The following TMEM175 variants were observed in gnomAD, a reference collection of about 807,000 sequenced individuals.
The protein encoded by TMEM175 is endosomal/lysosomal proton channel TMEM175.
Under a neutral mutation model 36.5 loss-of-function variants are expected in TMEM175, and 36 were observed. The ratio of observed to expected loss-of-function variants is 0.99; its 90% CI spans 0.76 to 1.30. The LOEUF (loss-of-function observed/expected upper bound fraction) is 1.30. TMEM175 is among the 50% of genes most tolerant of loss of function. TMEM175 has a pLI of 0.00. For synonymous variants in TMEM175, 339 were observed against 313.4 expected, an observed-to-expected ratio of 1.08 and a Z score of -0.86; for missense variants, 705 against 692.8, an observed-to-expected ratio of 1.02 and a Z score of -0.20.
chr4:941,470 G>T lies in TMEM175; in HGVS notation c.-31-6239G>T, dbSNP rs558034582. Among the ~76,000 whole-genome samples, 9 of 149,570 alleles carry T rather than the reference G, an allele frequency of 6.0e-5. No individual in the cohort carries two copies. In the East Asian group the frequency reaches 1.6e-3, roughly 26 times the overall value. On this transcript the variant is annotated intron_variant, in intron 1 of 10. Transcript: ENST00000264771. ...TTTTTTTTTCTTGAGATGGAGTCTG[G>T]CTCTGTCACTCAGGTTGCAGTGCAG...
chr4:935,141 G>A (rs1281827196), intron 1 of TMEM175, among the ~76,000 whole-genome samples: 1 of 152,200 alleles, frequency 6.6e-6, no homozygotes, highest in African/African-American at 2.4e-5. Flanking sequence ...GGCATGACCT[G>A]GGATCAGCTG....
At position 938,473 on chromosome 4, in the gene TMEM175, C is replaced by T. The variant is rs566827992; in HGVS notation, c.-32+5933C>T. On this transcript the variant is annotated intron_variant, in intron 1 of 10. Coordinates refer to ENST00000264771, the MANE Select transcript of TMEM175 (RefSeq NM_032326.4). ...GAGCTGAGATCGCACCACTGTGCTC[C>T]ACTCTGGACAACAGAGTGAGACTCG... Among the ~76,000 whole-genome samples the T allele has an allele frequency of 5.3e-5, 8 of 151,974 alleles. No homozygotes were observed. The East Asian group carries it at 1.5e-3, about 29-fold the overall frequency.
rs906842026 is a variant in TMEM175, at chr4:955,697, C to T, written c.707-58C>T. The T allele has an allele frequency of 3.2e-5, 51 of 1,587,048 alleles. 1 individual carries two copies. Among genetic ancestry groups the T allele is most frequent in the African/African-American group, 3.1e-4 (23 of 74,446 alleles). Reference sequence around the variant, plus strand: ...ATGGATGAGGGCGGTGACAGCCACGCGGGCTCTACCTCCACATGGGGGGTT... The same window carrying T: ...ATGGATGAGGGCGGTGACAGCCACGTGGGCTCTACCTCCACATGGGGGGTT... On this transcript the variant is annotated intron_variant, in intron 9 of 10. Coordinates refer to ENST00000264771, the MANE Select transcript of TMEM175 (RefSeq NM_032326.4).
At chr4:947,171 A>G (rs1482150463) in intron 1 of TMEM175, among the ~76,000 whole-genome samples, 2 of 144,010 alleles carry the variant, frequency 1.4e-5, no homozygotes, top group East Asian at 4.4e-4. Context: ...GCATACGTGC[A>G]CAGGTGCCGA....
chr4:933,267 G>C (rs1162108216), intron 1 of TMEM175, among the ~76,000 whole-genome samples: 1 of 152,124 alleles, frequency 6.6e-6, no homozygotes, highest in African/African-American at 2.4e-5. Context: ...AGTGCTTTGG[G>C]AGGCCGAGGC....
rs545899652 is a variant in TMEM175 at position 944,494 on chromosome 4, C to A, written c.-31-3215C>A. Among the ~76,000 whole-genome samples, 7 of 152,242 alleles carry A rather than the reference C, an allele frequency of 4.6e-5. No homozygotes were observed. In the South Asian group the frequency reaches 1.2e-3, roughly 27 times the overall value. On this transcript the variant is annotated intron_variant, in intron 1 of 10. Coordinates refer to ENST00000264771, the MANE Select transcript of TMEM175 (RefSeq NM_032326.4). ...ACCTGGGCATAGAGCAAAAGCCCCC[C>A]ACCTGCTCCCCGCCCCTCCCTGCCT...
At chr4:953,983 TTTA>T (rs1178444078) in intron 8 of TMEM175, among the ~76,000 whole-genome samples, 1 of 151,446 alleles carries the variant, frequency 6.6e-6, no homozygotes, top group African/African-American at 2.4e-5. Context: ...CACGCCAGCC[TTTA>T]TTTTCTTTTT....
intron 1 of TMEM175, among the ~76,000 whole-genome samples, chr4:943,599 C>T (rs1285181010): frequency 6.6e-6 from 1 of 152,188 alleles, no homozygotes; most frequent in African/African-American, 2.4e-5. Context: ...AGGAGATGAG[C>T]AAGCGCAGGT....
intron 3 of TMEM175, chr4:948,357 G>A (rs1728453174): frequency 6.5e-7 from 1 of 1,534,090 alleles, no homozygotes; most frequent in Non-Finnish European, 8.7e-7. Flanking sequence ...CGGAGGTCCT[G>A]GCCTCCTGGG....
chr4:952,064 C>G (rs1040686800), intron 6 of TMEM175: 7 of 583,120 alleles, frequency 1.2e-5, no homozygotes, highest in Non-Finnish European at 1.8e-5. Flanking sequence ...CCTCCAAATT[C>G]TGGCAGTGGC....
chr4:957,960 C>T lies in TMEM175; in HGVS notation c.979C>T (p.His327Tyr). Reference protein sequence around the residue: ...FATVGLLWFAHHSLFLHVRKA... With the variant: ...FATVGLLWFAYHSLFLHVRKA... ...CACAGTGGGACTGCTGTGGTTCGCCCACCACTCACTCTTCCTGCATGTGCG... is the reference window on the plus strand; with the variant it reads ...CACAGTGGGACTGCTGTGGTTCGCCTACCACTCACTCTTCCTGCATGTGCG... Residue 327 changes from histidine (H) to tyrosine (Y), a missense_variant, in exon 11 of 11, where the codon CAC (histidine) becomes TAC (tyrosine). Physicochemically the swap from His to Tyr is moderately conservative, Grantham distance 83 (BLOSUM62 2). Transcript: ENST00000264771. 1.2e-6 allele frequency: 2 copies of T among 1,612,886 alleles called. No individual in the cohort carries two copies.
At position 953,053 on chromosome 4, in the gene TMEM175, C is replaced by T. The variant is rs554312758; in HGVS notation, c.463-137C>T. On this transcript the variant is annotated intron_variant, in intron 7 of 10. Transcript: ENST00000264771. ...CCCCACCCCAAGACCCCTGTGCGCG[C>T]GTGCCATGCAGCCCGGGGCCAGGTC... is the stretch of plus-strand genomic sequence containing the variant. 2.0e-4 allele frequency: 166 copies of T among 848,436 alleles called. 1 individual carries two copies. Among genetic ancestry groups the T allele is most frequent in the African/African-American group, 2.6e-4 (15 of 57,822 alleles). 52.6% of individuals were successfully genotyped at this position (848,436 alleles called of 1,614,324 possible).
intron 1 of TMEM175, among the ~76,000 whole-genome samples, chr4:939,599 C>T (rs1008627108): frequency 6.6e-6 from 1 of 152,074 alleles, no homozygotes; most frequent in African/African-American, 2.4e-5. Flanking sequence ...GCCTGTAATC[C>T]CAGCTACTCA....
intron 1 of TMEM175, among the ~76,000 whole-genome samples, chr4:940,189 C>T (rs896733241): frequency 2.6e-5 from 4 of 152,196 alleles, no homozygotes; most frequent in Non-Finnish European, 4.4e-5. Context: ...TGGCTCACGC[C>T]TGTAATCCCA....
chr4:936,079 C>CG (rs1726743508), intron 1 of TMEM175, among the ~76,000 whole-genome samples: 1 of 152,126 alleles, frequency 6.6e-6, no homozygotes, highest in Non-Finnish European at 1.5e-5. Flanking sequence ...TGGCTGGGCA[C>CG]GGTAGCTCAC....
intron 1 of TMEM175, among the ~76,000 whole-genome samples, chr4:941,963 A>G (rs1255912102): frequency 1.3e-5 from 2 of 152,134 alleles, no homozygotes; most frequent in Non-Finnish European, 2.9e-5. Context: ...TCATCTTCCA[A>G]GAGTTTTATA....
Position 955,420 on chromosome 4 carries a change from G to A in TMEM175, c.643G>A (p.Val215Met). 6.2e-7 allele frequency: 1 copy of A among 1,614,148 alleles called. No homozygotes were observed. The highest frequency in any genetic ancestry group is 8.5e-7 in the Non-Finnish European group (1 of 1,180,006). The change falls in exon 9 of 11, where the codon GTG becomes ATG. Residue 215 changes from valine (V) to methionine (M), a missense_variant. Coordinates refer to ENST00000264771, the MANE Select transcript of TMEM175 (RefSeq NM_032326.4). ...FFVPLSYLLM[V>M]TVILLPYVSK... ...CTCCCTGCAGTCTTACCTGCTGATG[G>A]TGACTGTCATCCTCCTCCCCTATGT...
In TMEM175 at chr4:932,601, G is replaced by T; in HGVS notation, c.-32+61G>T. 2.6e-6 allele frequency: 1 copy of T among 388,084 alleles called. No homozygotes were observed. The highest frequency in any genetic ancestry group is 4.6e-6 in the Non-Finnish European group (1 of 219,358). 24.0% of individuals were successfully genotyped at this position (388,084 alleles called of 1,614,324 possible). A position where few individuals can be genotyped will look rare whatever the true frequency, so the allele number is the denominator to read the frequency against. ...TCCCCACATGGTCTGTTTTGTGGGA[G>T]GCTCCTTCTCAGGTGTCTCCGGTTT... On this transcript the variant is annotated intron_variant, in intron 1 of 10. Coordinates refer to ENST00000264771, the MANE Select transcript of TMEM175 (RefSeq NM_032326.4). This position sits in a 1 kb window ranked among gnomAD's most constrained non-coding sequence, Gnocchi z 4.0.
In TMEM175 at chr4:957,819, C is replaced by G. The variant is rs766382405; in HGVS notation, c.843-5C>G. ...GGCACAAATGCATCTATTCACTGTT[C>G]TCAGCGAAGACAACGTCCCGGACCC... On this transcript the variant is annotated splice_polypyrimidine_tract_variant and splice_region_variant and intron_variant, in intron 10 of 10. Transcript: ENST00000264771. The G allele has an allele frequency of 2.5e-6, 4 of 1,599,204 alleles. No individual in the cohort carries two copies. The Admixed American group carries it at 6.8e-5, about 27-fold the overall frequency.
Sources: allele counts gnomAD v4.1 joint callset (sites outside exome capture counted in the v4.1 genomes callset), GRCh38; gene constraint gnomAD v4.1.1; non-coding constraint Gnocchi (gnomAD v3.1); transcripts MANE v1.5; gene names NCBI Gene and HGNC (gene_info 2026-07-23, HGNC 2026-07-21).